The following ACSL1 variants were observed in gnomAD, a reference collection of about 807,000 sequenced individuals.
The protein encoded by ACSL1 is acyl-CoA synthetase long chain family member 1.
Under a neutral mutation model 98.4 loss-of-function variants are expected in ACSL1, and 41 were observed. That is an observed-to-expected ratio of 0.42 (90% CI 0.32 to 0.54). The LOEUF (loss-of-function observed/expected upper bound fraction) is 0.54, where lower values mean the gene tolerates loss of function less well. Ranked by LOEUF, ACSL1 falls within the 20% of genes least tolerant of loss-of-function variation. The probability of loss-of-function intolerance (pLI) is 0.13; values close to 1 mark genes in which losing one functional copy is unlikely to be tolerated. For missense variants in ACSL1, 734 were observed against 883.1 expected (o/e 0.83, Z 2.14); for synonymous variants, 316 against 322.7 (o/e 0.98, Z 0.22).
chr4:184,764,134 A>G (rs1485272504), intron 15 of ACSL1, among the ~76,000 whole-genome samples: 1 of 152,246 alleles, frequency 6.6e-6, no homozygotes, highest in Non-Finnish European at 1.5e-5. Context: ...TACTCAGGTG[A>G]CACAGAGGAA....
At chr4:184,812,786 C>A (rs1376293724) in intron 1 of ACSL1, among the ~76,000 whole-genome samples, 2 of 152,086 alleles carry the variant, frequency 1.3e-5, no homozygotes, top group Non-Finnish European at 2.9e-5. Context: ...AGTAAAACAG[C>A]AAATATCAGA....
intron 1 of ACSL1, among the ~76,000 whole-genome samples, chr4:184,814,460 AC>A (rs1008718756): frequency 2.6e-5 from 4 of 151,720 alleles, no homozygotes; most frequent in African/African-American, 7.3e-5. Context: ...AATACCCAAA[AC>A]CCCCAGGGAA....
At chr4:184,806,686 A>T (rs1024191318) in intron 1 of ACSL1, among the ~76,000 whole-genome samples, 3 of 150,052 alleles carry the variant, frequency 2.0e-5, no homozygotes, top group African/African-American at 7.4e-5. Context: ...AGAACACTTT[A>T]AAAAAAAAAC....
intron 15 of ACSL1, among the ~76,000 whole-genome samples, chr4:184,763,562 G>GGCTTCCACCCTCCGATC (rs1554016296): frequency 6.6e-6 from 1 of 152,082 alleles, no homozygotes; most frequent in Non-Finnish European, 1.5e-5. Context: ...ACCTTCACTC[G>GGCTTCCACCCTCCGATC]GCTTCCACCC....
intron 2 of ACSL1, among the ~76,000 whole-genome samples, chr4:184,790,818 C>T (rs552331276): frequency 6.6e-6 from 1 of 151,800 alleles, no homozygotes; most frequent in Non-Finnish European, 1.5e-5. Context: ...AGTACAAGTC[C>T]TCCATCACCT....
At position 184,757,395 on chromosome 4, in the gene ACSL1, C is replaced by T; in HGVS notation, c.1957-130G>A. 1.6e-6 allele frequency: 2 copies of T among 1,224,210 alleles called. No individual in the cohort carries two copies. Among genetic ancestry groups the T allele is most frequent in the East Asian group, 2.4e-5 (1 of 40,828 alleles). The allele number at this position is 1,224,210 out of a possible 1,614,324, so 75.8% of individuals were successfully genotyped here. ...ATCCTCTCATTTCAGCCAAGCTGCACCTTCTCAACAAAGGACAGGCATCCT... is the reference window on the plus strand; with the variant it reads ...ATCCTCTCATTTCAGCCAAGCTGCATCTTCTCAACAAAGGACAGGCATCCT... On this transcript the variant is annotated intron_variant, in intron 20 of 20. Transcript: ENST00000281455. This position sits in a 1 kb window ranked among gnomAD's most constrained non-coding sequence, Gnocchi z 4.5.
Position 184,757,336 on chromosome 4 carries a change from T to C in ACSL1, c.1957-71A>G, listed in dbSNP as rs76536858. Reference sequence around the variant, plus strand: ...ACCAGTCTCAAAAGCACGTAAGCCTTGGAGGGGATCAACACTCTCCAGCCA... The same window carrying C: ...ACCAGTCTCAAAAGCACGTAAGCCTCGGAGGGGATCAACACTCTCCAGCCA... On this transcript the variant is annotated intron_variant, in intron 20 of 20. Coordinates refer to ENST00000281455, the MANE Select transcript of ACSL1 (RefSeq NM_001995.5). The surrounding 1 kb of genome is among the most constrained non-coding windows in gnomAD (Gnocchi z 4.5). 0.014 allele frequency: 21,208 copies of C among 1,529,352 alleles called. 202 individuals carry two copies. Among genetic ancestry groups the C allele is most frequent in the African/African-American group, 0.037 (2,673 of 72,798 alleles). The allele number at this position is 1,529,352 out of a possible 1,614,324, so 94.7% of individuals were successfully genotyped here.
In ACSL1 at chr4:184,803,394, T is replaced by C. The variant is rs1561234406; in HGVS notation, c.121A>G (p.Thr41Ala). The C allele has an allele frequency of 6.2e-7, 1 of 1,613,548 alleles. No homozygotes were observed. The highest frequency in any genetic ancestry group is 8.5e-7 in the Non-Finnish European group (1 of 1,179,852). The change falls in exon 2 of 21, where the codon ACC becomes GCC. Residue 41 changes from threonine to alanine, a missense_variant. Coordinates refer to ENST00000281455, the MANE Select transcript of ACSL1 (RefSeq NM_001995.5). This position sits in a 1 kb window ranked among gnomAD's most constrained non-coding sequence, Gnocchi z 4.8. Reference sequence around the variant, plus strand: ...TTGGGTCTCGTGGCGTACCAGAAGGTGGTGAGTGCTGCAAAAGCTCCGAAG... The same window carrying C: ...TTGGGTCTCGTGGCGTACCAGAAGGCGGTGAGTGCTGCAAAAGCTCCGAAG... ...MGFGAFAALT[T>A]FWYATRPKPL... is the part of the protein sequence containing the mutation.
chr4:184,783,589 G>C (rs551862957), intron 4 of ACSL1, among the ~76,000 whole-genome samples: 2 of 152,352 alleles, frequency 1.3e-5, no homozygotes, highest in East Asian at 1.9e-4. Flanking sequence ...TCCAGCTTCT[G>C]AGTTTTTCTA....
chr4:184,782,276 A>AG lies in ACSL1; in HGVS notation c.375+1650_375+1651insC, dbSNP rs759025788. Among the ~76,000 whole-genome samples the AG allele has an allele frequency of 1.1e-3, 168 of 151,690 alleles. 1 individual carries two copies. The highest frequency in any genetic ancestry group is 1.3e-3 in the Admixed American group (20 of 15,222). The stretch of plus-strand genomic sequence containing the variant: ...GGTCATACATTCTTAAAAAAAAAAA[A>AG]ACAACCCTTTAAGGCATTCCTAGCC... On this transcript the variant is annotated intron_variant, in intron 4 of 20. Coordinates refer to ENST00000281455, the MANE Select transcript of ACSL1 (RefSeq NM_001995.5).
intron 12 of ACSL1, 121 bp downstream of exon 12, chr4:184,768,195 C>G: frequency 9.2e-7 from 1 of 1,082,526 alleles, no homozygotes; most frequent in South Asian, 1.8e-5. Context: ...AACTGAAGTT[C>G]TGTAAGATTG....
rs776535705 is a variant in ACSL1, at chr4:184,757,705, T to A, written c.1886A>T (p.Asp629Val). 1.1e-5 allele frequency: 18 copies of A among 1,613,782 alleles called. No individual in the cohort carries two copies. In the Admixed American group the frequency reaches 2.7e-4, roughly 24 times the overall value. ...ATCTTCGAGGATAGCTTTTTTGACA[T>A]CCTAAAAGGGTAAGAAAAATAAATT... ...GSFEELCRNK[D>V]VKKAILEDMV... Residue 629 changes from aspartate to valine, a missense_variant and splice_region_variant, in exon 20 of 21, where the codon GAT becomes GTT. Transcript: ENST00000281455. This position sits in a 1 kb window ranked among gnomAD's most constrained non-coding sequence, Gnocchi z 4.5.
At chr4:184,796,085 A>G (rs1027784275) in intron 2 of ACSL1, among the ~76,000 whole-genome samples, 3 of 152,182 alleles carry the variant, frequency 2.0e-5, no homozygotes, top group Non-Finnish European at 4.4e-5. Context: ...CCCACCCTTA[A>G]TCTGGGTGGG....
intron 1 of ACSL1, chr4:184,808,506 G>A (rs1287638161): frequency 2.2e-5 from 22 of 985,252 alleles, no homozygotes; most frequent in African/African-American, 3.5e-5. Context: ...TTTCCTTAAC[G>A]CAGCAACCCA....
chr4:184,820,302 C>T (rs1178979389), intron 1 of ACSL1, among the ~76,000 whole-genome samples: 2 of 152,226 alleles, frequency 1.3e-5, no homozygotes, highest in Non-Finnish European at 2.9e-5. Context: ...CAGGCGTGAG[C>T]CACTGCACCC....
At chr4:184,760,815 T>C (rs530446270) in intron 17 of ACSL1, among the ~76,000 whole-genome samples, 1 of 152,340 alleles carries the variant, frequency 6.6e-6, no homozygotes, top group East Asian at 1.9e-4. Context: ...TTTAGCCTCC[T>C]GTCTGAATTA....
rs768477439 is a variant in ACSL1 at position 184,773,744 on chromosome 4, T to C, written c.790-30A>G. 5.0e-6 allele frequency: 8 copies of C among 1,597,960 alleles called. No homozygotes were observed. In the East Asian group the frequency reaches 1.8e-4, roughly 36 times the overall value. ...AGATTAAAAAAAAAAAAAGCTGGTA[T>C]AAATCAGAACAGAAAAGAGAACTAT... On this transcript the variant is annotated intron_variant, in intron 8 of 20. Coordinates refer to ENST00000281455, the MANE Select transcript of ACSL1 (RefSeq NM_001995.5). This position sits in a 1 kb window ranked among gnomAD's most constrained non-coding sequence, Gnocchi z 4.3.
chr4:184,757,790 A>G lies in ACSL1; in HGVS notation c.1884+29T>C. 4 of 1,612,062 alleles carry G rather than the reference A, an allele frequency of 2.5e-6. No individual in the cohort carries two copies. The highest frequency in any genetic ancestry group is 3.4e-6 in the Non-Finnish European group (4 of 1,178,186). On this transcript the variant is annotated intron_variant, in intron 19 of 20. Coordinates refer to ENST00000281455, the MANE Select transcript of ACSL1 (RefSeq NM_001995.5). The surrounding 1 kb of genome is among the most constrained non-coding windows in gnomAD (Gnocchi z 4.5). The stretch of plus-strand genomic sequence containing the variant: ...GTACATTTAATGCCAAGTTATGATG[A>G]GGACAGACTGGACCCTTCAGAACCT...
rs1767765052 is a variant in ACSL1 at position 184,788,363 on chromosome 4, G to A, written c.310+254C>T. On this transcript the variant is annotated intron_variant, in intron 3 of 20. Coordinates refer to ENST00000281455, the MANE Select transcript of ACSL1 (RefSeq NM_001995.5). ...ACGTCAGAGCCTATTGTGCACTGGTGTAACATGTGACTCACCATAAAATAC... is the reference window on the plus strand; with the variant it reads ...ACGTCAGAGCCTATTGTGCACTGGTATAACATGTGACTCACCATAAAATAC... 4.1e-5 allele frequency: 24 copies of A among 592,552 alleles called. 2 individuals are homozygous for A. The highest frequency in any genetic ancestry group is 3.7e-4 in the South Asian group (24 of 65,732). The allele number at this position is 592,552 out of a possible 1,614,324, so 36.7% of individuals were successfully genotyped here.
Sources: gnomAD v4.1 joint callset for allele counts (sites outside exome capture counted in the v4.1 genomes callset) on GRCh38, gnomAD v4.1.1 for gene constraint, Gnocchi (gnomAD v3.1) non-coding constraint, MANE v1.5 for transcripts, NCBI Gene and HGNC (gene_info 2026-07-23, HGNC 2026-07-21) for gene names.